Variants in ABHD12 observed in about 807,000 individuals in gnomAD.
ABHD12 encodes the protein lysophosphatidylserine lipase ABHD12.
In ABHD12, 43 loss-of-function variants were observed where a neutral mutation model predicts 58.3. The observed-to-expected ratio is 0.74, with a 90% CI of 0.58 to 0.95. The LOEUF is 0.95. ABHD12 is among the 40% of genes least tolerant of loss of function. The pLI, the probability that ABHD12 is intolerant of heterozygous loss-of-function variation, is 0.00. For synonymous variants in ABHD12, 219 were observed against 211.2 expected (o/e 1.04, Z -0.32); for missense variants, 539 against 537.2 (o/e 1.00, Z -0.03).
chr20:25,355,289 T>C (rs548194572), intron 1 of ABHD12, among the ~76,000 whole-genome samples: 229 of 151,906 alleles, frequency 1.5e-3, no homozygotes, highest in African/African-American at 5.3e-3. Flanking sequence ...CAAAGAGAAA[T>C]ATGCAGAAAA....
chr20:25,382,419 G>C (rs796164443), intron 1 of ABHD12, among the ~76,000 whole-genome samples: 10 of 152,222 alleles, frequency 6.6e-5, no homozygotes, highest in African/African-American at 2.4e-4. Context: ...AAGTCCTGTG[G>C]CGTCATCTCT....
In ABHD12 at chr20:25,306,823, T is replaced by C; in HGVS notation, c.950+10A>G. The C allele has an allele frequency of 1.3e-6, 2 of 1,588,626 alleles. No homozygotes were observed. The highest frequency in any genetic ancestry group is 2.2e-5 in the South Asian group (2 of 90,250). On this transcript the variant is annotated intron_variant, in intron 10 of 12. Coordinates refer to ENST00000339157, the MANE Select transcript of ABHD12 (RefSeq NM_001042472.3). ...AATAGGAAAATTAGTTCCTGTCCCA[T>C]AATACTCACTTTTCATCATTTGCAA...
intron 1 of ABHD12, among the ~76,000 whole-genome samples, chr20:25,356,246 G>A (rs1402797042): frequency 6.6e-6 from 1 of 152,232 alleles, no homozygotes; most frequent in African/African-American, 2.4e-5. Context: ...TCTTGCACCT[G>A]AGACTGCGGA....
chr20:25,339,417 A>T (rs1420574728), intron 1 of ABHD12, 66 bp from the exon 2 acceptor site: 2 of 1,610,124 alleles, frequency 1.2e-6, no homozygotes, highest in African/African-American at 2.7e-5. Flanking sequence ...GTTTGTTAAT[A>T]GTGTTATCAA....
chr20:25,384,885 C>A (rs1349785453), intron 1 of ABHD12, among the ~76,000 whole-genome samples: 1 of 152,178 alleles, frequency 6.6e-6, no homozygotes, highest in African/African-American at 2.4e-5. Context: ...CAGAAAGAAC[C>A]TGTTCTCTCC....
At chr20:25,386,032 C>T (rs1253946418) in intron 1 of ABHD12, among the ~76,000 whole-genome samples, 1 of 151,560 alleles carries the variant, frequency 6.6e-6, no homozygotes, top group African/African-American at 2.4e-5. Flanking sequence ...ACCCGGGAGG[C>T]AAAGCTTGCA....
intron 1 of ABHD12, among the ~76,000 whole-genome samples, chr20:25,361,821 G>A (rs8113968): frequency 0.54 from 81,996 of 151,644 alleles, 22,737 homozygotes; most frequent in Admixed American, 0.61. Flanking sequence ...TGGGCGTGGT[G>A]GCGGGCGCCT....
At chr20:25,314,815 C>A in intron 6 of ABHD12, 110 bp downstream of exon 6, 1 of 1,233,042 alleles carries the variant, frequency 8.1e-7, no homozygotes, top group Non-Finnish European at 1.2e-6. Context: ...ACAGCACAGG[C>A]AAAGCAGGCG....
At chr20:25,378,788 G>T (rs899652544) in intron 1 of ABHD12, among the ~76,000 whole-genome samples, 1 of 150,800 alleles carries the variant, frequency 6.6e-6, no homozygotes, top group African/African-American at 2.4e-5. Flanking sequence ...AGGTATGCGT[G>T]TATTCCCTCA....
At chr20:25,390,485 C>T (rs764202194) in intron 1 of ABHD12, 28 bp downstream of exon 1, 8 of 1,252,714 alleles carry the variant, frequency 6.4e-6, no homozygotes, top group African/African-American at 1.7e-5. Context: ...CGGCCCCCCC[C>T]CCCCCCCCGC....
intron 1 of ABHD12, among the ~76,000 whole-genome samples, chr20:25,387,597 A>AAAAAAAAAG (rs2090109433): frequency 6.7e-6 from 1 of 149,894 alleles, no homozygotes; most frequent in Non-Finnish European, 1.5e-5. Context: ...TATTAAAAAA[A>AAAAAAAAAG]AAAAAAAAAA....
At chr20:25,353,664 G>C (rs552555267) in intron 1 of ABHD12, among the ~76,000 whole-genome samples, 1 of 152,146 alleles carries the variant, frequency 6.6e-6, no homozygotes, top group African/African-American at 2.4e-5. Flanking sequence ...TGGCTCTTAC[G>C]GGAGAGTTGC....
rs1317867541 is a variant in ABHD12 at position 25,323,855 on chromosome 20, G to A, written c.317-425C>T. Among the ~76,000 whole-genome samples the A allele has an allele frequency of 2.6e-5, 4 of 152,232 alleles. No homozygotes were observed. In the East Asian group the frequency reaches 5.8e-4, roughly 22 times the overall value. On this transcript the variant is annotated intron_variant, in intron 2 of 12. Coordinates refer to ENST00000339157, the MANE Select transcript of ABHD12 (RefSeq NM_001042472.3). ...GAGGCTGAGCCTGCGAATAACTCAG[G>A]TGCCTGGTGGAGTGGGAAGGACAGC...
intron 9 of ABHD12, 26 bp downstream of exon 9, chr20:25,307,940 T>G (rs571950585): frequency 1.5e-6 from 2 of 1,330,314 alleles, no homozygotes; most frequent in African/African-American, 2.8e-5. Flanking sequence ...AATGAAAAGT[T>G]AATTTTTAAT....
chr20:25,365,070 T>A (rs1465111568), intron 1 of ABHD12, among the ~76,000 whole-genome samples: 1 of 152,270 alleles, frequency 6.6e-6, no homozygotes, highest in African/African-American at 2.4e-5. Flanking sequence ...AGGCCTCATG[T>A]GGCTGGCTGC....
downstream of ABHD12, among the ~76,000 whole-genome samples, chr20:25,298,767 C>T (rs2088590214): frequency 6.6e-6 from 1 of 152,174 alleles, no homozygotes; most frequent in African/African-American, 2.4e-5. Flanking sequence ...AGAAATGAGC[C>T]TAGGGCTCTG....
At chr20:25,298,440 A>T (rs1013821126), downstream of ABHD12, among the ~76,000 whole-genome samples, 2 of 152,070 alleles carry the variant, frequency 1.3e-5, no homozygotes, top group South Asian at 2.1e-4. Flanking sequence ...TAATTTGTGT[A>T]TTTTTAGTTT....
chr20:25,366,409 G>A (rs567698381), intron 1 of ABHD12, among the ~76,000 whole-genome samples: 1 of 152,140 alleles, frequency 6.6e-6, no homozygotes, highest in African/African-American at 2.4e-5. Context: ...TAGGATTACA[G>A]GCATGTGCCA....
At chr20:25,336,740 CAG>C (rs1222890128) in intron 2 of ABHD12, among the ~76,000 whole-genome samples, 1 of 152,196 alleles carries the variant, frequency 6.6e-6, no homozygotes, top group Admixed American at 6.5e-5. Context: ...AAGGGGGAGA[CAG>C]AGAACCACAC....
Sources: gnomAD v4.1 joint callset for allele counts (sites outside exome capture counted in the v4.1 genomes callset) on GRCh38, gnomAD v4.1.1 for gene constraint, MANE v1.5 for transcripts, NCBI Gene and HGNC (gene_info 2026-07-23, HGNC 2026-07-21) for gene names.